The following PTPRN2 variants were observed in gnomAD, a reference collection of about 807,000 sequenced individuals.
The protein encoded by PTPRN2 is protein tyrosine phosphatase receptor type N2.
In PTPRN2, 74 loss-of-function variants were observed where a neutral mutation model predicts 118.8. The observed-to-expected ratio is 0.62, with a 90% CI of 0.52 to 0.76. The LOEUF (loss-of-function observed/expected upper bound fraction) is 0.76, where lower values mean the gene tolerates loss of function less well. PTPRN2 is among the 30% of genes least tolerant of loss of function. The probability of loss-of-function intolerance (pLI) is 0.00; values close to 1 mark genes in which losing one functional copy is unlikely to be tolerated. For synonymous variants in PTPRN2, 641 were observed against 608.0 expected, an observed-to-expected ratio of 1.05 and a Z score of -0.80; for missense variants, 1,481 against 1,394.4, an observed-to-expected ratio of 1.06 and a Z score of -0.99.
intron 15 of PTPRN2, among the ~76,000 whole-genome samples, chr7:157,605,654 C>A (rs890452846): frequency 6.6e-6 from 1 of 152,240 alleles, no homozygotes; most frequent in African/African-American, 2.4e-5. Context: ...CAGGGGGCAG[C>A]TCCTTTCTGC....
At chr7:157,791,900 G>A (rs1006020804) in intron 12 of PTPRN2, among the ~76,000 whole-genome samples, 1 of 152,208 alleles carries the variant, frequency 6.6e-6, no homozygotes, top group African/African-American at 2.4e-5. Flanking sequence ...GGGCGCACGC[G>A]GATCCCCAAA....
chr7:158,503,463 C>A (rs1446190842), intron 1 of PTPRN2, among the ~76,000 whole-genome samples: 1 of 152,168 alleles, frequency 6.6e-6, no homozygotes, highest in African/African-American at 2.4e-5. Context: ...GGATGGCACC[C>A]CTTCCTCCCC....
At position 157,944,782 on chromosome 7, in the gene PTPRN2, C is replaced by T. The variant is rs1320646972; in HGVS notation, c.1724-46045G>A. On this transcript the variant is annotated intron_variant, in intron 11 of 22. Transcript: ENST00000389418. This position sits in a 1 kb window ranked among gnomAD's most constrained non-coding sequence, Gnocchi z 4.3. ...TCTCTAAGCCAAGGGGCTGTTGGGA[C>T]AGGCAGCCGCACCTGGCCAGCTCTG... Among the ~76,000 whole-genome samples, 1 of 152,190 alleles carries T rather than the reference C, an allele frequency of 6.6e-6. No individual in the cohort carries two copies. The highest frequency in any genetic ancestry group is 1.5e-5 in the Non-Finnish European group (1 of 68,036).
At chr7:158,337,010 C>G (rs1335664430) in intron 2 of PTPRN2, among the ~76,000 whole-genome samples, 1 of 102,770 alleles carries the variant, frequency 9.7e-6, no homozygotes, top group Non-Finnish European at 2.2e-5. Context: ...CCCACACTCT[C>G]ACCATAAGAG....
intron 11 of PTPRN2, among the ~76,000 whole-genome samples, chr7:157,993,274 C>T (rs1356437897): frequency 6.6e-6 from 1 of 151,820 alleles, no homozygotes. Flanking sequence ...CACATTAAGA[C>T]CAAGGACAAA....
intron 5 of PTPRN2, among the ~76,000 whole-genome samples, chr7:158,188,004 GGGC>G (rs1825314946): frequency 6.6e-6 from 1 of 152,114 alleles, no homozygotes; most frequent in African/African-American, 2.4e-5. Flanking sequence ...GGCAAGATGG[GGGC>G]AGTGGTGGAA....
chr7:158,253,855 G>T (rs1056654586), intron 3 of PTPRN2, among the ~76,000 whole-genome samples: 1 of 151,906 alleles, frequency 6.6e-6, no homozygotes, highest in Non-Finnish European at 1.5e-5. Context: ...ATCGAGCAGA[G>T]GAAGCATCCC....
chr7:157,747,186 T>TCCGGGTGATTCTGAG, intron 12 of PTPRN2, among the ~76,000 whole-genome samples: 2 of 130,504 alleles, frequency 1.5e-5, no homozygotes, highest in African/African-American at 3.0e-5. Context: ...CTGTGGGGTG[T>TCCGGGTGATTCTGAG]GCGGGTGATT....
At chr7:157,781,508 G>A (rs1803679390) in intron 12 of PTPRN2, among the ~76,000 whole-genome samples, 1 of 152,208 alleles carries the variant, frequency 6.6e-6, no homozygotes. Context: ...TTCAAGGTGA[G>A]ATGAATCTGT....
chr7:157,614,959 G>C (rs1179179520), intron 15 of PTPRN2, among the ~76,000 whole-genome samples: 1 of 152,202 alleles, frequency 6.6e-6, no homozygotes, highest in East Asian at 1.9e-4. Flanking sequence ...GTGTTAGAGG[G>C]CACTGAGGGA....
chr7:157,858,081 C>CG (rs1554472311), intron 12 of PTPRN2, among the ~76,000 whole-genome samples: 2 of 116,884 alleles, frequency 1.7e-5, no homozygotes, highest in Non-Finnish European at 3.7e-5. Context: ...GGGAGAACCC[C>CG]GTCACCACCC....
chr7:157,599,802 G>A (rs976461219), intron 16 of PTPRN2, among the ~76,000 whole-genome samples: 3 of 152,024 alleles, frequency 2.0e-5, no homozygotes, highest in Non-Finnish European at 2.9e-5. Flanking sequence ...CTTGCACAGA[G>A]AATAAGCACA....
At chr7:157,821,682 A>G (rs78961250) in intron 12 of PTPRN2, among the ~76,000 whole-genome samples, 6,149 of 152,274 alleles carry the variant, frequency 0.04, 199 homozygotes, top group Non-Finnish European at 0.061. Flanking sequence ...GCCACTCTGA[A>G]TGAGCTGGAG....
intron 2 of PTPRN2, among the ~76,000 whole-genome samples, chr7:158,352,924 G>A (rs1017451380): frequency 5.3e-5 from 8 of 152,332 alleles, no homozygotes; most frequent in Middle Eastern, 6.8e-3. Context: ...CGCCGCACCA[G>A]GGCCTGCACC....
chr7:158,477,387 G>A (rs952687782), intron 2 of PTPRN2, among the ~76,000 whole-genome samples: 1 of 152,236 alleles, frequency 6.6e-6, no homozygotes, highest in African/African-American at 2.4e-5. Context: ...TGTTACCTCC[G>A]AGTGGGAGTG....
rs927577166 is a variant in PTPRN2 at position 158,481,551 on chromosome 7, G to A, written c.163+8184C>T. Among the ~76,000 whole-genome samples the A allele has an allele frequency of 5.3e-5, 8 of 152,220 alleles. No individual in the cohort carries two copies. The South Asian group carries it at 6.2e-4, about 12-fold the overall frequency. On this transcript the variant is annotated intron_variant, in intron 2 of 22. Coordinates refer to ENST00000389418, the MANE Select transcript of PTPRN2 (RefSeq NM_002847.5). ...GCGATCTCGGCTCACTACAACCTCCGCCTCCCAGGTTCAAGCAATTCCTTG... is the reference window on the plus strand; with the variant it reads ...GCGATCTCGGCTCACTACAACCTCCACCTCCCAGGTTCAAGCAATTCCTTG...
At chr7:157,967,132 C>A (rs908750494) in intron 11 of PTPRN2, among the ~76,000 whole-genome samples, 10 of 152,082 alleles carry the variant, frequency 6.6e-5, no homozygotes, top group African/African-American at 1.9e-4. Context: ...ACCACCTGGG[C>A]AACATATTGA....
chr7:157,702,433 C>T (rs774030219), intron 12 of PTPRN2, among the ~76,000 whole-genome samples: 2 of 152,226 alleles, frequency 1.3e-5, no homozygotes, highest in Non-Finnish European at 2.9e-5. Context: ...TGCTGGTGAA[C>T]ATGGGTGTCT....
intron 1 of PTPRN2, among the ~76,000 whole-genome samples, chr7:158,536,214 C>T (rs1464168088): frequency 1.3e-5 from 2 of 152,166 alleles, no homozygotes. Context: ...TGAAAATCAT[C>T]ACCTCCTCCT....
Sources: gnomAD v4.1 joint callset for allele counts (sites outside exome capture counted in the v4.1 genomes callset) on GRCh38, gnomAD v4.1.1 for gene constraint, Gnocchi (gnomAD v3.1) non-coding constraint, MANE v1.5 for transcripts, NCBI Gene and HGNC (gene_info 2026-07-23, HGNC 2026-07-21) for gene names.